LEMD2: variants seen among roughly 807,000 people sequenced by gnomAD.
LEMD2 encodes LEM domain-containing protein 2.
Under a neutral mutation model 58.8 loss-of-function variants are expected in LEMD2, and 34 were observed. That is an observed-to-expected ratio of 0.58 (90% CI 0.44 to 0.77). The LOEUF (loss-of-function observed/expected upper bound fraction) is 0.77. LEMD2 is among the 30% of genes least tolerant of loss of function. The pLI, the probability that LEMD2 is intolerant of heterozygous loss-of-function variation, is 0.00. For synonymous variants in LEMD2, 298 were observed against 308.9 expected, an observed-to-expected ratio of 0.96 and a Z score of 0.37; for missense variants, 629 against 717.9, an observed-to-expected ratio of 0.88 and a Z score of 1.42.
intron 3 of LEMD2, chr6:33,782,160 G>C (rs995002642): frequency 4.6e-5 from 7 of 152,354 alleles, no homozygotes; most frequent in Middle Eastern, 3.4e-3. Context: ...TTCCCACTAG[G>C]ACTCTTCCTG....
In LEMD2 at chr6:33,780,381, G is replaced by A. The variant is rs1767538306; in HGVS notation, c.931-202C>T. On this transcript the variant is annotated intron_variant, in intron 4 of 8. Transcript: ENST00000293760. Reference sequence around the variant, plus strand: ...AGAGGCTATAACCAGAGGAGGTGATGCGGAAGCACAAGCAGGAAAACAGTG... The same window carrying A: ...AGAGGCTATAACCAGAGGAGGTGATACGGAAGCACAAGCAGGAAAACAGTG... The A allele has an allele frequency of 3.8e-5, 23 of 599,140 alleles. No homozygotes were observed. In the South Asian group the frequency reaches 4.3e-4, roughly 11 times the overall value. 37.1% of individuals were successfully genotyped at this position (599,140 alleles called of 1,614,324 possible). A position where few individuals can be genotyped will look rare whatever the true frequency, so the allele number is the denominator to read the frequency against.
chr6:33,783,256 A>G (rs932591984), intron 3 of LEMD2, among the ~76,000 whole-genome samples: 1 of 152,216 alleles, frequency 6.6e-6, no homozygotes, highest in Non-Finnish European at 1.5e-5. Context: ...TGCTGTGAGC[A>G]GGAGCCCCAG....
intron 3 of LEMD2, among the ~76,000 whole-genome samples, chr6:33,782,747 G>A (rs1403362137): frequency 1.3e-5 from 2 of 152,246 alleles, no homozygotes; most frequent in African/African-American, 2.4e-5. Context: ...GGCCCTGCAG[G>A]CAGGACCTGG....
intron 3 of LEMD2, among the ~76,000 whole-genome samples, chr6:33,783,252 G>A (rs892771516): frequency 2.0e-5 from 3 of 152,186 alleles, no homozygotes; most frequent in South Asian, 2.1e-4. Flanking sequence ...ATGATGCTGT[G>A]AGCAGGAGCC....
chr6:33,788,781 A>C lies in LEMD2; in HGVS notation c.336T>G (p.Ala112=). The change falls in exon 1 of 9, where the codon GCT becomes GCG. Residue 112 remains alanine, a synonymous_variant. Transcript: ENST00000293760. ...CGAGGCCGCGGCTCCCTACCCAGGA[A>C]GCCGCGGAGGGCCGGATATCACCGT... ...GAYGDIRPSA[A]SWVGSRGLAY... is the part of the protein sequence containing the mutation. 6.9e-7 allele frequency: 1 copy of C among 1,452,102 alleles called. No individual in the cohort carries two copies. The highest frequency in any genetic ancestry group is 9.1e-7 in the Non-Finnish European group (1 of 1,104,568). The allele number at this position is 1,452,102 out of a possible 1,614,324, so 90.0% of individuals were successfully genotyped here.
At chr6:33,773,671 A>G (rs1767359943) in intron 8 of LEMD2, among the ~76,000 whole-genome samples, 1 of 152,040 alleles carries the variant, frequency 6.6e-6, no homozygotes, top group African/African-American at 2.4e-5. Context: ...AGCAGCCCCA[A>G]CTTGGCTGGT....
In LEMD2 at chr6:33,789,096, C is replaced by T; in HGVS notation, c.21G>A (p.Leu7=). The change falls in exon 1 of 9, where the codon CTG becomes CTA. Residue 7 remains leucine (L), a synonymous_variant. Transcript: ENST00000293760. MAGLSD[L]ELRRELQALG... Reference sequence around the variant, plus strand: ...GGGCCTGCAGCTCCCGCCGCAGTTCCAGGTCCGACAGGCCGGCCATGGCCA... The same window carrying T: ...GGGCCTGCAGCTCCCGCCGCAGTTCTAGGTCCGACAGGCCGGCCATGGCCA... 6.5e-7 allele frequency: 1 copy of T among 1,537,404 alleles called. No homozygotes were observed. The highest frequency in any genetic ancestry group is 8.7e-7 in the Non-Finnish European group (1 of 1,152,084).
chr6:33,777,060 C>T lies in LEMD2; in HGVS notation c.1259-4G>A. 1 of 1,613,682 alleles carries T rather than the reference C, an allele frequency of 6.2e-7. No individual in the cohort carries two copies. Among genetic ancestry groups the T allele is most frequent in the African/African-American group, 1.3e-5 (1 of 75,048 alleles). ...ACGTAATGGTCCTGGACCACGTCTGCAGGAGAGAGCACACCATTTAGGGCA... is the reference window on the plus strand; with the variant it reads ...ACGTAATGGTCCTGGACCACGTCTGTAGGAGAGAGCACACCATTTAGGGCA... On this transcript the variant is annotated splice_polypyrimidine_tract_variant and splice_region_variant and intron_variant, in intron 7 of 8. Coordinates refer to ENST00000293760, the MANE Select transcript of LEMD2 (RefSeq NM_181336.4).
Position 33,772,551 on chromosome 6 carries a change from G to C in LEMD2, c.*77C>G. 1 of 1,411,774 alleles carries C rather than the reference G, an allele frequency of 7.1e-7. No homozygotes were observed. The highest frequency in any genetic ancestry group is 9.8e-7 in the Non-Finnish European group (1 of 1,024,250). 87.5% of individuals were successfully genotyped at this position (1,411,774 alleles called of 1,614,324 possible). A position where few individuals can be genotyped will look rare whatever the true frequency, so the allele number is the denominator to read the frequency against. Reference sequence around the variant, plus strand: ...AGGCAAGTGTGAATTCAGCACCGCAGGCCTGGTGACCCTCCTGTGCCTCTG... The same window carrying C: ...AGGCAAGTGTGAATTCAGCACCGCACGCCTGGTGACCCTCCTGTGCCTCTG... On this transcript the variant is annotated 3_prime_UTR_variant, in exon 9 of 9. Transcript: ENST00000293760.
chr6:33,782,498 T>C (rs1310623964), intron 3 of LEMD2, among the ~76,000 whole-genome samples: 1 of 152,206 alleles, frequency 6.6e-6, no homozygotes, highest in Non-Finnish European at 1.5e-5. Flanking sequence ...CCACTCGAGA[T>C]GTAATTTCCT....
Position 33,788,621 on chromosome 6 carries a change from A to G in LEMD2, c.496T>C (p.Ser166Pro). The G allele has an allele frequency of 7.9e-7, 1 of 1,273,834 alleles. No homozygotes were observed. Among genetic ancestry groups the G allele is most frequent in the South Asian group, 2.8e-5 (1 of 36,322 alleles). The allele number at this position is 1,273,834 out of a possible 1,614,324, so 78.9% of individuals were successfully genotyped here. The change falls in exon 1 of 9, where the codon TCT becomes CCT. Residue 166 changes from serine to proline, a missense_variant. This residue lies in a region of LEMD2 where 386 missense variants were observed against 381.1 expected (regional missense o/e 1.01). Transcript: ENST00000293760. ...GLAARRWWAA[S>P]PAPARLPSSL... Reference sequence around the variant, plus strand: ...GAAGGCAGCCGCGCCGGGGCGGGAGACGCTGCCCACCAGCGGCGGGCCGCG... The same window carrying G: ...GAAGGCAGCCGCGCCGGGGCGGGAGGCGCTGCCCACCAGCGGCGGGCCGCG...
At chr6:33,777,898 C>A (rs1047432245) in intron 6 of LEMD2, among the ~76,000 whole-genome samples, 1 of 152,218 alleles carries the variant, frequency 6.6e-6, no homozygotes, top group African/African-American at 2.4e-5. Flanking sequence ...CCCTGCTGTG[C>A]CTCCTGCTCG....
At chr6:33,781,510 C>T (rs1767564964) in intron 3 of LEMD2, 1 of 214,772 alleles carries the variant, frequency 4.7e-6, no homozygotes, top group Admixed American at 5.6e-5. Context: ...AAAAGAAAGG[C>T]AGGGAGGCCA....
chr6:33,784,926 G>A (rs1767642842), intron 2 of LEMD2, among the ~76,000 whole-genome samples: 1 of 152,132 alleles, frequency 6.6e-6, no homozygotes, highest in South Asian at 2.1e-4. Flanking sequence ...TCTGAGTAAG[G>A]ATTGTGGTAG....
intron 8 of LEMD2, 28 bp from the exon 9 acceptor site, chr6:33,772,806 T>C (rs763856103): frequency 6.2e-7 from 1 of 1,605,116 alleles, no homozygotes; most frequent in East Asian, 2.2e-5. Context: ...GGGCTCTGCC[T>C]GGCACTGCCG....
At chr6:33,781,056 T>C (rs764346851) in intron 4 of LEMD2, 21 bp downstream of exon 4, 2 of 1,565,182 alleles carry the variant, frequency 1.3e-6, no homozygotes, top group African/African-American at 1.4e-5. Flanking sequence ...CAGGAATGTA[T>C]AAGCACTGAA....
chr6:33,772,183 A>T lies in LEMD2; in HGVS notation c.*445T>A. 6.3e-6 allele frequency: 1 copy of T among 157,584 alleles called. No individual in the cohort carries two copies. The allele number at this position is 157,584 out of a possible 1,614,324, so 9.8% of individuals were successfully genotyped here. ...TTCTCCCTTCACCCTGGAGCTCTCA[A>T]GTAACAACCCCCTGAAGGCACATGG... On this transcript the variant is annotated 3_prime_UTR_variant, in exon 9 of 9. Coordinates refer to ENST00000293760, the MANE Select transcript of LEMD2 (RefSeq NM_181336.4).
chr6:33,787,674 T>C (rs1360983882), intron 1 of LEMD2, among the ~76,000 whole-genome samples: 5 of 152,224 alleles, frequency 3.3e-5, no homozygotes. Context: ...CTATTCCGGA[T>C]ACATACTGTA....
chr6:33,789,110 C>G lies in LEMD2; in HGVS notation c.7G>C (p.Gly3Arg), dbSNP rs960367830. ...CGCCGCAGTTCCAGGTCCGACAGGC[C>G]GGCCATGGCCAGGACGCCGCCCCCC... MAGLSDLELRREL... is the reference protein window; with the variant it reads MARLSDLELRREL... Residue 3 changes from glycine (G) to arginine (R), a missense_variant, in exon 1 of 9, where the codon GGC becomes CGC. This residue lies in a region of LEMD2 where 386 missense variants were observed against 381.1 expected (regional missense o/e 1.01). Transcript: ENST00000293760. 4 of 1,528,278 alleles carry G rather than the reference C, an allele frequency of 2.6e-6. No individual in the cohort carries two copies. The highest frequency in any genetic ancestry group is 3.5e-6 in the Non-Finnish European group (4 of 1,147,932). 94.7% of individuals were successfully genotyped at this position (1,528,278 alleles called of 1,614,324 possible). A position where few individuals can be genotyped will look rare whatever the true frequency, so the allele number is the denominator to read the frequency against.
Sources: gnomAD v4.1 joint callset for allele counts (sites outside exome capture counted in the v4.1 genomes callset) on GRCh38, gnomAD v4.1.1 for gene constraint, gnomAD v4.1.1 regional missense constraint, MANE v1.5 for transcripts, NCBI Gene and HGNC (gene_info 2026-07-23, HGNC 2026-07-21) for gene names.